The following CHRM2 variants were observed in gnomAD, a reference collection of about 807,000 sequenced individuals.
CHRM2 encodes the protein muscarinic acetylcholine receptor M2.
In CHRM2, 8 loss-of-function variants were observed where a neutral mutation model predicts 25.0. The ratio of observed to expected loss-of-function variants is 0.32; its 90% CI spans 0.19 to 0.58. The LOEUF is 0.58. CHRM2 is among the 20% of genes least tolerant of loss of function. The pLI, the probability that CHRM2 is intolerant of heterozygous loss-of-function variation, is 0.88. For synonymous variants in CHRM2, 202 were observed against 205.7 expected (o/e 0.98, Z 0.15); for missense variants, 440 against 567.1 (o/e 0.78, Z 2.28).
chr7:136,945,923 CTT>C (rs1251139470), intron 2 of CHRM2, among the ~76,000 whole-genome samples: 4 of 152,026 alleles, frequency 2.6e-5, no homozygotes, highest in African/African-American at 4.8e-5. Context: ...CACTTTTATT[CTT>C]TGTTAGTGGA....
chr7:136,873,396 T>C (rs541054779), intron 2 of CHRM2, among the ~76,000 whole-genome samples: 2 of 152,264 alleles, frequency 1.3e-5, no homozygotes, highest in East Asian at 1.9e-4. Context: ...TCTTCCCATA[T>C]GATATTTTCT....
At chr7:136,957,223 C>T (rs1800776785) in intron 2 of CHRM2, among the ~76,000 whole-genome samples, 2 of 152,124 alleles carry the variant, frequency 1.3e-5, no homozygotes, top group South Asian at 2.1e-4. Context: ...GGGCAGCCCA[C>T]TCCTATCAAC....
rs77128879 is a variant in CHRM2, at chr7:136,869,413, C to T, written c.-130C>T. The T allele has an allele frequency of 0.021, 3,243 of 152,410 alleles. 179 individuals are homozygous for T. The highest frequency in any genetic ancestry group is 0.19 in the South Asian group (916 of 4,814). The allele number at this position is 152,410 out of a possible 1,614,324, so 9.4% of individuals were successfully genotyped here. A position where few individuals can be genotyped will look rare whatever the true frequency, so the allele number is the denominator to read the frequency against. On this transcript the variant is annotated 5_prime_UTR_variant, in exon 2 of 4. Transcript: ENST00000680005. The surrounding 1 kb of genome is among the most constrained non-coding windows in gnomAD (Gnocchi z 4.9). The stretch of plus-strand genomic sequence containing the variant: ...GGGGAGGCAACTGGAGCGAAACCAG[C>T]GACAGGTAAGGGCCCCGCGCTGTGC...
intron 2 of CHRM2, among the ~76,000 whole-genome samples, chr7:136,957,637 G>A (rs1800803497): frequency 6.6e-6 from 1 of 152,096 alleles, no homozygotes; most frequent in South Asian, 2.1e-4. Context: ...AAAGCCACAA[G>A]GTACATACCA....
At chr7:136,966,830 A>T (rs1211986469) in intron 2 of CHRM2, among the ~76,000 whole-genome samples, 3 of 151,976 alleles carry the variant, frequency 2.0e-5, no homozygotes, top group African/African-American at 7.2e-5. Context: ...TGTCTATGGA[A>T]TCAGTGTCAA....
rs550711755 is a variant in CHRM2 at position 137,019,948 on chromosome 7, C to T, written c.*3682C>T. On this transcript the variant is annotated 3_prime_UTR_variant, in exon 4 of 4. Coordinates refer to ENST00000680005, the MANE Select transcript of CHRM2 (RefSeq NM_001006630.2). ...CTTAGTTCATTGACAGTTTCCTCCT[C>T]GCCCCAGTTTGATAATATCCCTTTC... is the stretch of plus-strand genomic sequence containing the variant. 9.2e-5 allele frequency: 14 copies of T among 151,942 alleles called. No individual in the cohort carries two copies. The East Asian group carries it at 2.1e-3, about 23-fold the overall frequency. The allele number at this position is 151,942 out of a possible 1,614,324, so 9.4% of individuals were successfully genotyped here.
At chr7:136,915,110 G>C (rs932498269) in intron 2 of CHRM2, among the ~76,000 whole-genome samples, 36 of 151,804 alleles carry the variant, frequency 2.4e-4, no homozygotes, top group Admixed American at 6.6e-5. Flanking sequence ...CTGTAATGCT[G>C]ACATCATTCT....
chr7:136,961,753 G>A (rs1256963094), intron 2 of CHRM2, among the ~76,000 whole-genome samples: 3 of 151,912 alleles, frequency 2.0e-5, no homozygotes, highest in Non-Finnish European at 4.4e-5. Flanking sequence ...GGTAGGAAAA[G>A]GGGTCCAAAA....
At chr7:136,984,928 A>G (rs939942963) in intron 2 of CHRM2, among the ~76,000 whole-genome samples, 3 of 152,202 alleles carry the variant, frequency 2.0e-5, no homozygotes, top group African/African-American at 7.2e-5. Flanking sequence ...TCTTTAATAC[A>G]TCAGTGTGCA....
intron 2 of CHRM2, among the ~76,000 whole-genome samples, chr7:136,944,007 C>T (rs1799919695): frequency 6.6e-6 from 1 of 152,098 alleles, no homozygotes; most frequent in South Asian, 2.1e-4. Context: ...AGATAGGACT[C>T]TCTGATATGT....
chr7:136,903,789 T>TAACTCTACTAGTGTTTTAAC (rs1373006786), intron 2 of CHRM2, among the ~76,000 whole-genome samples: 1 of 151,970 alleles, frequency 6.6e-6, no homozygotes, highest in African/African-American at 2.4e-5. Flanking sequence ...GATGTTTTAA[T>TAACTCTACTAGTGTTTTAAC]AACTCTACTA....
At chr7:136,991,479 T>C (rs1262073579) in intron 2 of CHRM2, among the ~76,000 whole-genome samples, 1 of 152,124 alleles carries the variant, frequency 6.6e-6, no homozygotes, top group African/African-American at 2.4e-5. Context: ...TCTATTATGT[T>C]CCCTTGATAT....
At chr7:136,876,659 T>G (rs1436938638) in intron 2 of CHRM2, among the ~76,000 whole-genome samples, 2 of 152,020 alleles carry the variant, frequency 1.3e-5, no homozygotes, top group African/African-American at 2.4e-5. Context: ...AGGATCTACA[T>G]TTTTAAGATT....
At chr7:137,014,319 G>T (rs967034026) in intron 3 of CHRM2, among the ~76,000 whole-genome samples, 1 of 151,872 alleles carries the variant, frequency 6.6e-6, no homozygotes, top group African/African-American at 2.4e-5. Context: ...TGTGAAAAAG[G>T]CTTAGAGCTT....
chr7:136,944,742 G>A (rs761208981), intron 2 of CHRM2, among the ~76,000 whole-genome samples: 12 of 151,890 alleles, frequency 7.9e-5, no homozygotes, highest in South Asian at 4.2e-4. Flanking sequence ...TTAAGGAATC[G>A]CCACATTGTT....
intron 2 of CHRM2, among the ~76,000 whole-genome samples, chr7:136,911,250 T>C (rs1797827486): frequency 6.6e-6 from 1 of 151,912 alleles, no homozygotes; most frequent in African/African-American, 2.4e-5. Context: ...TCCAGTAAAA[T>C]ATTATCTTAG....
chr7:136,968,627 A>G (rs1352756883), intron 2 of CHRM2, among the ~76,000 whole-genome samples: 2 of 151,098 alleles, frequency 1.3e-5, no homozygotes, highest in African/African-American at 4.8e-5. Flanking sequence ...GTAACAACCC[A>G]AAGGTCTATT....
At chr7:136,870,201 C>G (rs12536964) in intron 2 of CHRM2, 19,195 of 152,402 alleles carry the variant, frequency 0.13, 1,358 homozygotes, top group Non-Finnish European at 0.17. Flanking sequence ...GGTCCTGAAC[C>G]GCCCGGGCAG....
chr7:136,916,092 A>C (rs920843900), intron 2 of CHRM2, among the ~76,000 whole-genome samples: 1 of 151,784 alleles, frequency 6.6e-6, no homozygotes, highest in African/African-American at 2.4e-5. Flanking sequence ...ATAATTCCCC[A>C]CATTTCAGCT....
Sources: gnomAD v4.1 joint callset for allele counts (sites outside exome capture counted in the v4.1 genomes callset) on GRCh38, gnomAD v4.1.1 for gene constraint, Gnocchi (gnomAD v3.1) non-coding constraint, MANE v1.5 for transcripts, NCBI Gene and HGNC (gene_info 2026-07-23, HGNC 2026-07-21) for gene names.